Variants in NEBL observed in about 807,000 individuals in gnomAD.
NEBL encodes LIM and SH3 protein 2.
NEBL carries 122 observed loss-of-function variants against 140.2 expected under a neutral mutation model. That is an observed-to-expected ratio of 0.87 (90% CI 0.75 to 1.01). The LOEUF (loss-of-function observed/expected upper bound fraction) is 1.01, where lower values mean the gene tolerates loss of function less well. Ranked by LOEUF, NEBL falls within the 50% of genes least tolerant of loss-of-function variation. NEBL has a pLI of 0.00. For missense variants in NEBL, 1,365 were observed against 1,231.3 expected, an observed-to-expected ratio of 1.11 and a Z score of -1.62; for synonymous variants, 436 against 398.9, an observed-to-expected ratio of 1.09 and a Z score of -1.11.
At chr10:21,151,099 T>C (rs1048216918) in intron 2 of NEBL, among the ~76,000 whole-genome samples, 1 of 152,202 alleles carries the variant, frequency 6.6e-6, no homozygotes, top group African/African-American at 2.4e-5. Context: ...ACTGAAGTCA[T>C]TTTTGGAGAA....
intron 2 of NEBL, among the ~76,000 whole-genome samples, chr10:21,039,026 T>C (rs1255984962): frequency 1.3e-5 from 2 of 151,796 alleles, no homozygotes; most frequent in African/African-American, 2.4e-5. Flanking sequence ...AGAAGTGTTC[T>C]GTTCATAGCC....
In NEBL at chr10:21,272,277, T is replaced by G. The variant is rs186437178; in HGVS notation, n.183-20449A>C. On this transcript the variant is annotated intron_variant and non_coding_transcript_variant, in intron 1 of 8. Transcript: ENST00000675702. Reference sequence around the variant, plus strand: ...ACCGCACCCGGCAAATATAAAAAATTTTTACGTGTCAAAAATAAACAAATA... The same window carrying G: ...ACCGCACCCGGCAAATATAAAAAATGTTTACGTGTCAAAAATAAACAAATA... 4.2e-3 allele frequency among the ~76,000 whole-genome samples: 643 copies of G among 151,984 alleles called. 2 individuals are homozygous for G. The highest frequency in any genetic ancestry group is 6.9e-3 in the Non-Finnish European group (470 of 67,970).
chr10:21,219,937 A>G (rs1842044042), intron 3 of NEBL, among the ~76,000 whole-genome samples: 1 of 150,822 alleles, frequency 6.6e-6, no homozygotes, highest in South Asian at 2.1e-4. Flanking sequence ...TTGTTTAGAC[A>G]GAGTATTGCT....
In NEBL at chr10:20,914,604, T is replaced by A. The variant is rs1848461488; in HGVS notation, c.357+47068A>T. On this transcript the variant is annotated intron_variant, in intron 4 of 6. Coordinates refer to the NEBL transcript ENST00000417816. ...AATTCCTCAAGTCTATTTTGGTAGTTTATATATTTCTTTTAAAACTCCATT... is the reference window on the plus strand; with the variant it reads ...AATTCCTCAAGTCTATTTTGGTAGTATATATATTTCTTTTAAAACTCCATT... Among the ~76,000 whole-genome samples, 2 of 152,174 alleles carry A rather than the reference T, an allele frequency of 1.3e-5. 1 individual carries two copies. Among genetic ancestry groups the A allele is most frequent in the South Asian group, 4.1e-4 (2 of 4,834 alleles).
intron 4 of NEBL, among the ~76,000 whole-genome samples, chr10:20,960,638 T>C (rs949869391): frequency 1.3e-5 from 2 of 152,058 alleles, no homozygotes; most frequent in Admixed American, 6.6e-5. Flanking sequence ...AAATTTTATA[T>C]GTGTGTATAT....
intron 4 of NEBL, among the ~76,000 whole-genome samples, chr10:20,907,015 GC>G (rs1358213673): frequency 6.6e-6 from 1 of 152,036 alleles, no homozygotes; most frequent in Non-Finnish European, 1.5e-5. Flanking sequence ...ATTCCAACTA[GC>G]CACATTTTAA....
At chr10:20,977,893 C>T (rs1836868479) in intron 3 of NEBL, among the ~76,000 whole-genome samples, 1 of 152,144 alleles carries the variant, frequency 6.6e-6, no homozygotes, top group Admixed American at 6.5e-5. Flanking sequence ...TAACTCAAGC[C>T]TAACGTTCCT....
chr10:21,044,200 C>T (rs2131837500), intron 2 of NEBL, among the ~76,000 whole-genome samples: 1 of 152,018 alleles, frequency 6.6e-6, no homozygotes, highest in East Asian at 1.9e-4. Context: ...AGTTCGAGAC[C>T]AGCCTGGCCA....
At chr10:21,062,133 A>C (rs1835332125) in intron 2 of NEBL, among the ~76,000 whole-genome samples, 1 of 152,246 alleles carries the variant, frequency 6.6e-6, no homozygotes, top group Admixed American at 6.5e-5. Context: ...TAATTTTATC[A>C]GTCTGACTTA....
chr10:21,123,807 T>C (rs1365948794), intron 2 of NEBL, among the ~76,000 whole-genome samples: 1 of 150,784 alleles, frequency 6.6e-6, no homozygotes, highest in East Asian at 1.9e-4. Flanking sequence ...TAAATATACA[T>C]AATCTCCAAT....
intron 3 of NEBL, among the ~76,000 whole-genome samples, chr10:21,198,030 G>A (rs769159743): frequency 3.3e-5 from 5 of 151,820 alleles, no homozygotes; most frequent in Admixed American, 6.6e-5. Flanking sequence ...CTCTGTCTCT[G>A]CTGCAAACCC....
chr10:21,109,491 T>C (rs28848250), intron 2 of NEBL, among the ~76,000 whole-genome samples: 1 of 152,196 alleles, frequency 6.6e-6, no homozygotes, highest in Non-Finnish European at 1.5e-5. Context: ...CAGGTTTTGG[T>C]GTCAGGATGA....
chr10:20,849,229 C>T (rs955613517), intron 11 of NEBL, among the ~76,000 whole-genome samples: 1 of 151,714 alleles, frequency 6.6e-6, no homozygotes, highest in Non-Finnish European at 1.5e-5. Flanking sequence ...CATACACACA[C>T]AAATAAGTCT....
chr10:21,151,440 T>C (rs2132127640), intron 2 of NEBL, among the ~76,000 whole-genome samples: 1 of 152,312 alleles, frequency 6.6e-6, no homozygotes, highest in South Asian at 2.1e-4. Context: ...ACTGTCCCTT[T>C]AGCACAAGCG....
intron 2 of NEBL, among the ~76,000 whole-genome samples, chr10:21,094,277 C>A (rs370130361): frequency 1.3e-5 from 2 of 151,732 alleles, no homozygotes; most frequent in African/African-American, 4.8e-5. Context: ...CCGAGGTGGG[C>A]GGATCACGAG....
chr10:20,866,496 A>T (rs1467596461), intron 7 of NEBL, among the ~76,000 whole-genome samples: 1 of 152,212 alleles, frequency 6.6e-6, no homozygotes, highest in South Asian at 2.1e-4. Context: ...TGACCCATTC[A>T]TCATCACACA....
At chr10:20,957,015 G>A (rs1267240217) in intron 4 of NEBL, among the ~76,000 whole-genome samples, 4 of 152,198 alleles carry the variant, frequency 2.6e-5, no homozygotes, top group African/African-American at 9.6e-5. Flanking sequence ...CCTGAACATG[G>A]TTACAGTCAG....
intron 16 of NEBL, among the ~76,000 whole-genome samples, chr10:20,830,556 T>C (rs1840302557): frequency 6.6e-6 from 1 of 152,162 alleles, no homozygotes; most frequent in South Asian, 2.1e-4. Flanking sequence ...ACTGTTCCCT[T>C]AATTTTTACC....
intron 3 of NEBL, among the ~76,000 whole-genome samples, chr10:21,225,407 A>G (rs1400988319): frequency 6.6e-6 from 1 of 152,122 alleles, no homozygotes. Flanking sequence ...ATGTTCACTC[A>G]AGGACCTAGG....
Sources: gnomAD v4.1 joint callset for allele counts (sites outside exome capture counted in the v4.1 genomes callset) on GRCh38, gnomAD v4.1.1 for gene constraint, MANE v1.5 for transcripts, NCBI Gene and HGNC (gene_info 2026-07-23, HGNC 2026-07-21) for gene names.